Variants in RAB11FIP4 observed in about 807,000 individuals in gnomAD.
RAB11FIP4 encodes RAB11 family interacting protein 4, also known as rab11 family-interacting protein 4.
A neutral mutation model predicts 74.3 loss-of-function variants in RAB11FIP4; 23 were observed. The observed-to-expected ratio is 0.31, with a 90% CI of 0.22 to 0.44. RAB11FIP4 has a LOEUF of 0.44. Among genes scored for constraint, RAB11FIP4 ranks in the 20% least tolerant of loss-of-function variants. The probability of loss-of-function intolerance (pLI) is 1.00; values close to 1 mark genes in which losing one functional copy is unlikely to be tolerated. For synonymous variants in RAB11FIP4, 360 were observed against 359.9 expected, an observed-to-expected ratio of 1.00 and a Z score of 0.00; for missense variants, 630 against 863.9, an observed-to-expected ratio of 0.73 and a Z score of 3.39.
chr17:31,473,024 C>T (rs2071755384), intron 3 of RAB11FIP4, among the ~76,000 whole-genome samples: 1 of 151,156 alleles, frequency 6.6e-6, no homozygotes, highest in Non-Finnish European at 1.5e-5. Context: ...CAGAGCAAGA[C>T]TCGTCTCAAA....
chr17:31,453,325 C>T (rs2071543248), intron 3 of RAB11FIP4, among the ~76,000 whole-genome samples: 1 of 139,140 alleles, frequency 7.2e-6, no homozygotes, highest in Non-Finnish European at 1.5e-5. Context: ...GACTGCACTC[C>T]AGCCTGTACC....
chr17:31,505,578 TATA>T (rs376087824), intron 3 of RAB11FIP4, among the ~76,000 whole-genome samples: 4,586 of 78,022 alleles, frequency 0.059, 337 homozygotes, highest in East Asian at 0.32. Context: ...TATAATAATA[TATA>T]ATAATAATTA....
intron 3 of RAB11FIP4, 76 bp from the exon 4 acceptor site, chr17:31,517,568 GCTGATGC>G: frequency 1.5e-6 from 2 of 1,347,056 alleles, no homozygotes; most frequent in Non-Finnish European, 2.1e-6. Flanking sequence ...TTTTGGCCTG[GCTGATGC>G]CCTTGTGGTC....
At chr17:31,511,980 A>T (rs570954052) in intron 3 of RAB11FIP4, among the ~76,000 whole-genome samples, 11 of 152,274 alleles carry the variant, frequency 7.2e-5, no homozygotes, top group African/African-American at 2.6e-4. Flanking sequence ...ACAGCGAGGT[A>T]GGGGTGCAGG....
intron 2 of RAB11FIP4, among the ~76,000 whole-genome samples, chr17:31,432,892 G>A (rs1262272382): frequency 2.0e-5 from 3 of 152,162 alleles, no homozygotes; most frequent in Admixed American, 1.3e-4. Context: ...TTGGGAGGCC[G>A]AGGCAGGCGG....
intron 3 of RAB11FIP4, among the ~76,000 whole-genome samples, chr17:31,480,541 C>G (rs1327154323): frequency 1.3e-5 from 2 of 152,044 alleles, no homozygotes; most frequent in African/African-American, 4.8e-5. Context: ...TGTAATCCCA[C>G]CACTTTGAGG....
intron 1 of RAB11FIP4, chr17:31,392,267 T>G: frequency 2.0e-5 from 6 of 303,938 alleles, no homozygotes; most frequent in Non-Finnish European, 3.0e-5. Flanking sequence ...CCCACCTTCC[T>G]TCCTCGGCCA....
At chr17:31,441,219 T>A (rs965783856) in intron 3 of RAB11FIP4, among the ~76,000 whole-genome samples, 1 of 152,010 alleles carries the variant, frequency 6.6e-6, no homozygotes, top group African/African-American at 2.4e-5. Context: ...AGAGATGGGG[T>A]TCTACTACGT....
rs183372470 is a variant in RAB11FIP4, at chr17:31,480,570, T to C, written c.337-37081T>C. On this transcript the variant is annotated intron_variant, in intron 3 of 14. Coordinates refer to ENST00000621161, the MANE Select transcript of RAB11FIP4 (RefSeq NM_032932.6). ...TTTGAGGCCGAGGTGGGTGGATCGC[T>C]TTAGGTCAGGAGATCGAGACCACCC... Among the ~76,000 whole-genome samples the C allele has an allele frequency of 2.1e-3, 322 of 152,050 alleles. 2 individuals are homozygous for C. Among genetic ancestry groups the C allele is most frequent in the African/African-American group, 7.2e-3 (298 of 41,484 alleles).
intron 3 of RAB11FIP4, among the ~76,000 whole-genome samples, chr17:31,468,037 G>T (rs967764119): frequency 6.6e-6 from 1 of 152,154 alleles, no homozygotes; most frequent in African/African-American, 2.4e-5. Flanking sequence ...GTTTATTCGG[G>T]GTGAGCTGCG....
chr17:31,400,396 G>A (rs1194542390), intron 1 of RAB11FIP4, among the ~76,000 whole-genome samples: 1 of 152,214 alleles, frequency 6.6e-6, no homozygotes, highest in Admixed American at 6.5e-5. Context: ...CGAAGACAAG[G>A]GTGGGGCCAG....
At chr17:31,466,675 G>T (rs1393255124) in intron 3 of RAB11FIP4, among the ~76,000 whole-genome samples, 1 of 152,062 alleles carries the variant, frequency 6.6e-6, no homozygotes, top group Non-Finnish European at 1.5e-5. Context: ...GGCAGAAAAA[G>T]ACCCTCTGCA....
At chr17:31,401,082 C>CA (rs1208118024) in intron 1 of RAB11FIP4, among the ~76,000 whole-genome samples, 11 of 152,156 alleles carry the variant, frequency 7.2e-5, no homozygotes. Context: ...TCCTGGCTAA[C>CA]ACGGTGAAAC....
intron 3 of RAB11FIP4, among the ~76,000 whole-genome samples, chr17:31,485,760 G>A (rs1947528059): frequency 6.6e-6 from 1 of 152,042 alleles, no homozygotes; most frequent in South Asian, 2.1e-4. Context: ...ACTGTGCTAG[G>A]GTGTACAACA....
chr17:31,431,879 CG>C lies in RAB11FIP4; in HGVS notation c.232del (p.Val78CysfsTer4). ...LGRINFKDFC[R>X]GVFAMKGCEE... ...GAGAATCAACTTCAAGGACTTTTGC[CG>C]GGGGGTGTTCGCCATGAAAGGTGAG... On this transcript the variant is annotated frameshift_variant, in exon 2 of 15. Transcript: ENST00000621161. LOFTEE classifies it high-confidence loss of function. 6.2e-7 allele frequency: 1 copy of C among 1,612,836 alleles called. No homozygotes were observed. Among genetic ancestry groups the C allele is most frequent in the South Asian group, 1.1e-5 (1 of 90,846 alleles).
At chr17:31,409,569 G>C (rs1322593350) in intron 1 of RAB11FIP4, among the ~76,000 whole-genome samples, 1 of 152,178 alleles carries the variant, frequency 6.6e-6, no homozygotes. Context: ...TGGGTAGAAA[G>C]AAACTCCAGA....
rs72391772 is a variant in RAB11FIP4 at position 31,401,274 on chromosome 17, TAA to T, written c.159+9277_159+9278del. Among the ~76,000 whole-genome samples the T allele has an allele frequency of 5.3e-3, 769 of 145,356 alleles. 5 individuals are homozygous for T. The highest frequency in any genetic ancestry group is 0.015 in the African/African-American group (571 of 38,678). ...GCGACACAGCGAGACTCTGTCTAATTAAAAAAAAAAAAAAATGCCAGGCTTGC... is the reference window on the plus strand; with the variant it reads ...GCGACACAGCGAGACTCTGTCTAATTAAAAAAAAAAAAATGCCAGGCTTGC... On this transcript the variant is annotated intron_variant, in intron 1 of 14. Coordinates refer to ENST00000621161, the MANE Select transcript of RAB11FIP4 (RefSeq NM_032932.6).
intron 1 of RAB11FIP4, among the ~76,000 whole-genome samples, chr17:31,431,091 A>G (rs1255456918): frequency 3.9e-5 from 6 of 152,148 alleles, no homozygotes; most frequent in Non-Finnish European, 8.8e-5. Flanking sequence ...GAATTGTAAA[A>G]GCAAAAAGCT....
chr17:31,505,491 TATAATTATTATATTATATATA>T (rs1567681088), intron 3 of RAB11FIP4, among the ~76,000 whole-genome samples: 15 of 65,784 alleles, frequency 2.3e-4, no homozygotes, highest in African/African-American at 9.3e-4. Context: ...ATATATAATA[TATAATTATTATATTATATATA>T]ATAATTATAT....
Sources: gnomAD v4.1 joint callset for allele counts (sites outside exome capture counted in the v4.1 genomes callset) on GRCh38, gnomAD v4.1.1 for gene constraint, MANE v1.5 for transcripts, NCBI Gene and HGNC (gene_info 2026-07-23, HGNC 2026-07-21) for gene names.